Variants in SHC3 observed in about 807,000 individuals in gnomAD.
SHC3 encodes the protein SHC-transforming protein 3.
A neutral mutation model predicts 60.4 loss-of-function variants in SHC3; 15 were observed. The ratio of observed to expected loss-of-function variants is 0.25; its 90% CI spans 0.17 to 0.38. SHC3 has a LOEUF of 0.38. Ranked by LOEUF, SHC3 falls within the 10% of genes least tolerant of loss-of-function variation. SHC3 has a pLI of 1.00. For missense variants in SHC3, 677 were observed against 786.1 expected (o/e 0.86, Z 1.66); for synonymous variants, 294 against 325.9 (o/e 0.90, Z 1.05).
chr9:89,112,087 T>A (rs1825955353), intron 2 of SHC3, among the ~76,000 whole-genome samples: 1 of 152,236 alleles, frequency 6.6e-6, no homozygotes, highest in Non-Finnish European at 1.5e-5. Flanking sequence ...CACAGACACC[T>A]TAAAGAATTG....
intron 11 of SHC3, among the ~76,000 whole-genome samples, chr9:89,032,438 C>T (rs1355992891): frequency 6.6e-6 from 1 of 152,138 alleles, no homozygotes; most frequent in Non-Finnish European, 1.5e-5. Context: ...AGCACAGTGC[C>T]CACCTCGCTT....
At chr9:89,121,383 C>T (rs752288014) in intron 1 of SHC3, among the ~76,000 whole-genome samples, 115 of 152,158 alleles carry the variant, frequency 7.6e-4, no homozygotes, top group Non-Finnish European at 1.0e-3. Flanking sequence ...CTCTGCCTCC[C>T]GGGTTCAAGC....
chr9:89,148,080 T>C (rs981383640), intron 1 of SHC3, among the ~76,000 whole-genome samples: 1 of 152,234 alleles, frequency 6.6e-6, no homozygotes, highest in Admixed American at 6.5e-5. Flanking sequence ...TAGTACTTCA[T>C]TTGATAATGC....
intron 1 of SHC3, among the ~76,000 whole-genome samples, chr9:89,130,031 C>A (rs1216139915): frequency 1.3e-5 from 2 of 152,138 alleles, no homozygotes; most frequent in East Asian, 1.9e-4. Flanking sequence ...TGCAGAGACA[C>A]ACACACACTC....
chr9:89,062,935 G>A (rs560048392), intron 6 of SHC3, among the ~76,000 whole-genome samples: 1 of 152,358 alleles, frequency 6.6e-6, no homozygotes, highest in Admixed American at 6.5e-5. Flanking sequence ...ATGAGATGGA[G>A]CAGAACATGC....
At chr9:89,035,854 T>TATATATATATATATATA (rs1376173933) in intron 11 of SHC3, among the ~76,000 whole-genome samples, 2 of 73,860 alleles carry the variant, frequency 2.7e-5, no homozygotes, top group South Asian at 4.0e-4. Flanking sequence ...TATATAGATG[T>TATATATATATATATATA]GTGTGTGTGT....
intron 2 of SHC3, among the ~76,000 whole-genome samples, chr9:89,089,926 G>A (rs564353012): frequency 1.3e-5 from 2 of 152,216 alleles, no homozygotes; most frequent in Non-Finnish European, 2.9e-5. Context: ...GAGGCCTGCC[G>A]GGCAGGGCCG....
At chr9:89,172,588 CACAG>C (rs1014582013) in intron 1 of SHC3, among the ~76,000 whole-genome samples, 9 of 151,946 alleles carry the variant, frequency 5.9e-5, no homozygotes, top group Non-Finnish European at 8.8e-5. Context: ...CACACACACA[CACAG>C]ACACACACAC....
At chr9:89,079,267 T>C (rs184436684) in intron 2 of SHC3, among the ~76,000 whole-genome samples, 39 of 152,370 alleles carry the variant, frequency 2.6e-4, no homozygotes, top group Middle Eastern at 3.4e-3. Context: ...AAAAGCTAAC[T>C]TCTTATTAAA....
chr9:89,061,204 CA>C (rs1404430972), intron 6 of SHC3, among the ~76,000 whole-genome samples: 4 of 152,074 alleles, frequency 2.6e-5, no homozygotes, highest in African/African-American at 9.7e-5. Flanking sequence ...CATATTTAAC[CA>C]CCTGGTTAAA....
chr9:89,022,626 G>A (rs1826223045), intron 11 of SHC3, among the ~76,000 whole-genome samples: 1 of 152,150 alleles, frequency 6.6e-6, no homozygotes, highest in Admixed American at 6.5e-5. Flanking sequence ...AGATGCTAAT[G>A]AGATGTGACT....
chr9:89,132,798 T>C (rs1188159264), intron 1 of SHC3, among the ~76,000 whole-genome samples: 1 of 152,160 alleles, frequency 6.6e-6, no homozygotes, highest in Non-Finnish European at 1.5e-5. Context: ...CCTAAAACCA[T>C]AAAAACCCTA....
chr9:89,067,145 C>G (rs930072910), intron 5 of SHC3, among the ~76,000 whole-genome samples: 1 of 152,236 alleles, frequency 6.6e-6, no homozygotes, highest in Non-Finnish European at 1.5e-5. Context: ...CCTGGTCAAA[C>G]TGGCTTCTGG....
chr9:89,035,321 C>A (rs1416195214), intron 11 of SHC3, among the ~76,000 whole-genome samples: 1 of 152,134 alleles, frequency 6.6e-6, no homozygotes, highest in Non-Finnish European at 1.5e-5. Flanking sequence ...ATTGAAATCC[C>A]AGCATGTATT....
At chr9:89,032,116 C>T (rs1234810326) in intron 11 of SHC3, among the ~76,000 whole-genome samples, 2 of 152,218 alleles carry the variant, frequency 1.3e-5, no homozygotes, top group Non-Finnish European at 1.5e-5. Context: ...ACTTGGCATG[C>T]GGGGGACTGA....
At chr9:89,087,549 C>T (rs769762664) in intron 2 of SHC3, among the ~76,000 whole-genome samples, 3 of 152,186 alleles carry the variant, frequency 2.0e-5, no homozygotes, top group Non-Finnish European at 4.4e-5. Flanking sequence ...ATCCCACATG[C>T]CTGCTTCTTG....
intron 7 of SHC3, among the ~76,000 whole-genome samples, chr9:89,050,984 T>C (rs1247128545): frequency 2.0e-5 from 3 of 151,860 alleles, no homozygotes; most frequent in Non-Finnish European, 4.4e-5. Flanking sequence ...TTTCTAGCAA[T>C]GTGGAAATGG....
intron 2 of SHC3, among the ~76,000 whole-genome samples, chr9:89,084,315 A>G (rs1411247746): frequency 2.0e-5 from 3 of 152,232 alleles, no homozygotes; most frequent in African/African-American, 7.2e-5. Context: ...GGGTAAATAA[A>G]TACTGGTTGG....
chr9:89,123,751 A>G (rs1449737379), intron 1 of SHC3, among the ~76,000 whole-genome samples: 4 of 152,202 alleles, frequency 2.6e-5, no homozygotes, highest in Admixed American at 2.6e-4. Flanking sequence ...TTCATGGATA[A>G]TTAACCCTGG....
Sources: allele counts gnomAD v4.1 joint callset (sites outside exome capture counted in the v4.1 genomes callset), GRCh38; gene constraint gnomAD v4.1.1; transcripts MANE v1.5; gene names NCBI Gene and HGNC (gene_info 2026-07-23, HGNC 2026-07-21).